Variants in PPM1A observed in about 807,000 individuals in gnomAD.
PPM1A encodes protein phosphatase 1A.
PPM1A carries 7 observed loss-of-function variants against 35.0 expected under a neutral mutation model. The ratio of observed to expected loss-of-function variants is 0.20; its 90% CI spans 0.11 to 0.38. PPM1A has a LOEUF of 0.38. Among genes scored for constraint, PPM1A ranks in the 10% least tolerant of loss-of-function variants. PPM1A has a pLI of 1.00. For missense variants in PPM1A, 239 were observed against 467.8 expected (o/e 0.51, Z 4.51); for synonymous variants, 153 against 167.3 (o/e 0.91, Z 0.66).
chr14:60,259,423 ATTAG>A (rs1174178352), intron 1 of PPM1A, among the ~76,000 whole-genome samples: 1 of 152,082 alleles, frequency 6.6e-6, no homozygotes, highest in Non-Finnish European at 1.5e-5. Context: ...TGTTTTGTTT[ATTAG>A]TTTTAAGGAA....
rs1243041555 is a variant in PPM1A, at chr14:60,296,425, G to A, written c.*3943G>A. Reference sequence around the variant, plus strand: ...ATTAGGATTTGGTATTAGAAAAGATGTGTAAATATCTTAGTATATAATTGT... The same window carrying A: ...ATTAGGATTTGGTATTAGAAAAGATATGTAAATATCTTAGTATATAATTGT... On this transcript the variant is annotated 3_prime_UTR_variant, in exon 6 of 6. Transcript: ENST00000395076. The surrounding 1 kb of genome is among the most constrained non-coding windows in gnomAD (Gnocchi z 4.4). The A allele has an allele frequency of 1.8e-5, 4 of 223,954 alleles. No homozygotes were observed. Among genetic ancestry groups the A allele is most frequent in the Non-Finnish European group, 3.4e-5 (4 of 116,392 alleles). The allele number at this position is 223,954 out of a possible 1,614,324, so 13.9% of individuals were successfully genotyped here.
chr14:60,269,173 AAATTGC>A (rs2139432907), intron 1 of PPM1A, among the ~76,000 whole-genome samples: 2 of 152,212 alleles, frequency 1.3e-5, no homozygotes, highest in South Asian at 4.1e-4. Flanking sequence ...TCTGAAATTG[AAATTGC>A]AATTCTTGGT....
upstream of PPM1A, among the ~76,000 whole-genome samples, chr14:60,246,212 T>C (rs1566559695): frequency 6.6e-6 from 1 of 152,180 alleles, no homozygotes; most frequent in Non-Finnish European, 1.5e-5. Flanking sequence ...CCCAGGCAAG[T>C]CTGCCTCAAG....
At chr14:60,284,710 TATATATATATAC>T (rs1886790001) in intron 2 of PPM1A, among the ~76,000 whole-genome samples, 1 of 143,220 alleles carries the variant, frequency 7.0e-6, no homozygotes, top group South Asian at 2.1e-4. Context: ...TGTGTGTGTA[TATATATATATAC>T]ATATATATAT....
At position 60,282,583 on chromosome 14, in the gene PPM1A, T is replaced by C. The variant is rs1886536922; in HGVS notation, c.-20-101T>C. On this transcript the variant is annotated intron_variant, in intron 1 of 5. Coordinates refer to ENST00000395076, the MANE Select transcript of PPM1A (RefSeq NM_021003.5). This position sits in a 1 kb window ranked among gnomAD's most constrained non-coding sequence, Gnocchi z 5.1. The stretch of plus-strand genomic sequence containing the variant: ...CAATGAATGTCTGCTTATCGCGAGT[T>C]GTGAATTCCCGCATATCTCTTTCAC... 2.2e-5 allele frequency: 31 copies of C among 1,413,274 alleles called. No individual in the cohort carries two copies. The highest frequency in any genetic ancestry group is 2.8e-5 in the Non-Finnish European group (29 of 1,046,038). The allele number at this position is 1,413,274 out of a possible 1,614,324, so 87.5% of individuals were successfully genotyped here.
intron 1 of PPM1A, among the ~76,000 whole-genome samples, chr14:60,270,600 TATTAA>T (rs763367255): frequency 6.6e-6 from 1 of 152,252 alleles, no homozygotes; most frequent in Non-Finnish European, 1.5e-5. Context: ...GGCTGAATTA[TATTAA>T]ATTATTTTAG....
rs960129642 is a variant in PPM1A, at chr14:60,297,502, C to G, written c.*5020C>G. On this transcript the variant is annotated 3_prime_UTR_variant, in exon 6 of 6. Transcript: ENST00000395076. ...ATGTTTCTTCACTAGAAAACCCAAC[C>G]CTTCATTTCTTTTCATTGCTCCAAA... The G allele has an allele frequency of 6.6e-6, 1 of 151,624 alleles. No individual in the cohort carries two copies. The highest frequency in any genetic ancestry group is 1.5e-5 in the Non-Finnish European group (1 of 67,666). The allele number at this position is 151,624 out of a possible 1,614,324, so 9.4% of individuals were successfully genotyped here. A position where few individuals can be genotyped will look rare whatever the true frequency, so the allele number is the denominator to read the frequency against.
At chr14:60,259,351 C>T (rs956317341) in intron 1 of PPM1A, among the ~76,000 whole-genome samples, 5 of 151,880 alleles carry the variant, frequency 3.3e-5, no homozygotes, top group African/African-American at 7.3e-5. Context: ...TTATATTTTT[C>T]CTTTCTTTCA....
intron 1 of PPM1A, among the ~76,000 whole-genome samples, chr14:60,264,810 A>T (rs1452588646): frequency 6.6e-6 from 1 of 151,618 alleles, no homozygotes; most frequent in African/African-American, 2.4e-5. Context: ...AATTTTTTTT[A>T]AATATTCAGG....
chr14:60,274,637 T>C (rs1207652406), intron 1 of PPM1A, among the ~76,000 whole-genome samples: 1 of 96,776 alleles, frequency 1.0e-5, no homozygotes, highest in East Asian at 2.2e-4. Flanking sequence ...AGCAGAAAAG[T>C]AGGAGGGGAG....
chr14:60,286,729 A>G, intron 3 of PPM1A: 2 of 983,730 alleles, frequency 2.0e-6, no homozygotes, highest in Non-Finnish European at 2.4e-6. Flanking sequence ...TCAGTCTGAT[A>G]CTAGAATCAT....
upstream of PPM1A, among the ~76,000 whole-genome samples, chr14:60,246,449 A>C (rs1455745882): frequency 6.6e-6 from 1 of 152,210 alleles, no homozygotes; most frequent in Non-Finnish European, 1.5e-5. Flanking sequence ...GTTAATTGAA[A>C]TATAAACAGA....
rs74641234 is a variant in PPM1A, at chr14:60,261,263, G to T, written c.-21+11586G>T. ...TAGAAAGAGACATTAAAAATTCAAGGATACTGAGTTTGTTGGCATCAGAAT... is the reference window on the plus strand; with the variant it reads ...TAGAAAGAGACATTAAAAATTCAAGTATACTGAGTTTGTTGGCATCAGAAT... On this transcript the variant is annotated intron_variant, in intron 1 of 5. Transcript: ENST00000395076. Among the ~76,000 whole-genome samples the T allele has an allele frequency of 2.4e-4, 36 of 152,254 alleles. No homozygotes were observed. In the East Asian group the frequency reaches 6.9e-3, roughly 29 times the overall value.
upstream of PPM1A, chr14:60,246,155 T>C (rs1173800855): frequency 4.6e-6 from 5 of 1,077,822 alleles, no homozygotes; most frequent in Non-Finnish European, 6.5e-6. Flanking sequence ...TCTCAAATAC[T>C]AGCCTCCTGA....
chr14:60,282,644 T>G lies in PPM1A; in HGVS notation c.-20-40T>G. The G allele has an allele frequency of 6.3e-7, 1 of 1,583,312 alleles. No individual in the cohort carries two copies. The highest frequency in any genetic ancestry group is 8.6e-7 in the Non-Finnish European group (1 of 1,164,674). On this transcript the variant is annotated intron_variant, in intron 1 of 5. Transcript: ENST00000395076. This position sits in a 1 kb window ranked among gnomAD's most constrained non-coding sequence, Gnocchi z 5.1. Reference sequence around the variant, plus strand: ...GATTGTTTGGTACATATTTTGTTTATAAGACAGTTATTGACTTTCCTGTTT... The same window carrying G: ...GATTGTTTGGTACATATTTTGTTTAGAAGACAGTTATTGACTTTCCTGTTT...
In PPM1A at chr14:60,298,103, G is replaced by T. The variant is rs761638079; in HGVS notation, c.*5621G>T. 6.6e-6 allele frequency: 1 copy of T among 150,980 alleles called. No individual in the cohort carries two copies. The highest frequency in any genetic ancestry group is 2.4e-5 in the African/African-American group (1 of 41,276). 9.4% of individuals were successfully genotyped at this position (150,980 alleles called of 1,614,324 possible). ...TTGGGGTGGGGAAAGTGATTAAAAGGTGAAAAAAAAACATAGTATTCAGAA... is the reference window on the plus strand; with the variant it reads ...TTGGGGTGGGGAAAGTGATTAAAAGTTGAAAAAAAAACATAGTATTCAGAA... On this transcript the variant is annotated 3_prime_UTR_variant, in exon 6 of 6. Coordinates refer to ENST00000395076, the MANE Select transcript of PPM1A (RefSeq NM_021003.5).
chr14:60,261,362 T>C (rs1182538753), intron 1 of PPM1A, among the ~76,000 whole-genome samples: 1 of 152,156 alleles, frequency 6.6e-6, no homozygotes, highest in African/African-American at 2.4e-5. Context: ...TTATAAAACA[T>C]AGGTAAAATA....
chr14:60,294,301 C>T lies in PPM1A; in HGVS notation c.*1819C>T, dbSNP rs1887890552. 1 of 151,730 alleles carries T rather than the reference C, an allele frequency of 6.6e-6. No individual in the cohort carries two copies. Among genetic ancestry groups the T allele is most frequent in the Non-Finnish European group, 1.5e-5 (1 of 67,788 alleles). The allele number at this position is 151,730 out of a possible 1,614,324, so 9.4% of individuals were successfully genotyped here. ...TAACTTAATTGTATTTAATTTATATCTTATTCCAGCATGAATGAGGAAAAA... is the reference window on the plus strand; with the variant it reads ...TAACTTAATTGTATTTAATTTATATTTTATTCCAGCATGAATGAGGAAAAA... On this transcript the variant is annotated 3_prime_UTR_variant, in exon 6 of 6. Coordinates refer to ENST00000395076, the MANE Select transcript of PPM1A (RefSeq NM_021003.5).
intron 1 of PPM1A, among the ~76,000 whole-genome samples, chr14:60,265,724 G>A (rs1884295552): frequency 2.0e-5 from 3 of 152,120 alleles, no homozygotes; most frequent in Admixed American, 2.0e-4. Flanking sequence ...TGCGTCTGGT[G>A]AGGGCCTTCT....
Sources: gnomAD v4.1 joint callset for allele counts (sites outside exome capture counted in the v4.1 genomes callset) on GRCh38, gnomAD v4.1.1 for gene constraint, Gnocchi (gnomAD v3.1) non-coding constraint, MANE v1.5 for transcripts, NCBI Gene and HGNC (gene_info 2026-07-23, HGNC 2026-07-21) for gene names.